Variants in NBEA observed in about 807,000 individuals in gnomAD.
The protein encoded by NBEA is neurobeachin.
NBEA carries 44 observed loss-of-function variants against 343.4 expected under a neutral mutation model. That is an observed-to-expected ratio of 0.13 (90% CI 0.10 to 0.16). The LOEUF (loss-of-function observed/expected upper bound fraction) is 0.16, where lower values mean the gene tolerates loss of function less well. NBEA is among the 10% of genes least tolerant of loss of function. The pLI, the probability that NBEA is intolerant of heterozygous loss-of-function variation, is 1.00. For synonymous variants in NBEA, 1,175 were observed against 1,238.7 expected (o/e 0.95, Z 1.08); for missense variants, 2,555 against 3,631.3 (o/e 0.70, Z 7.62).
At chr13:35,060,744 G>A (rs1189926746) in intron 8 of NBEA, among the ~76,000 whole-genome samples, 3 of 151,436 alleles carry the variant, frequency 2.0e-5, no homozygotes, top group African/African-American at 7.3e-5. Context: ...GAGAATATAG[G>A]GAAGGAGGAA....
At chr13:35,270,460 A>T (rs375673501) in intron 34 of NBEA, among the ~76,000 whole-genome samples, 1 of 152,202 alleles carries the variant, frequency 6.6e-6, no homozygotes, top group Non-Finnish European at 1.5e-5. Flanking sequence ...TACCTCGTTC[A>T]TCTCACTGGG....
At chr13:35,583,688 T>C (rs548587287) in intron 45 of NBEA, among the ~76,000 whole-genome samples, 52 of 152,346 alleles carry the variant, frequency 3.4e-4, no homozygotes, top group African/African-American at 1.1e-3. Flanking sequence ...TACTTTGTAC[T>C]ATGAATTATC....
chr13:35,130,053 G>A (rs1048276929), intron 17 of NBEA, among the ~76,000 whole-genome samples: 8 of 152,022 alleles, frequency 5.3e-5, no homozygotes, highest in South Asian at 2.1e-4. Flanking sequence ...TAAAGGAATG[G>A]AACAAATGAT....
intron 7 of NBEA, among the ~76,000 whole-genome samples, chr13:35,057,371 CCT>C (rs747237038): frequency 6.6e-6 from 1 of 152,070 alleles, no homozygotes; most frequent in Non-Finnish European, 1.5e-5. Context: ...TGACCCTCCC[CCT>C]GTTTCTGGTT....
chr13:35,593,118 T>C (rs2081611405), intron 46 of NBEA: 2 of 422,324 alleles, frequency 4.7e-6, no homozygotes, highest in Non-Finnish European at 8.4e-6. Context: ...AGAAGCAAAA[T>C]GACCTGCCAG....
At chr13:35,208,994 T>C (rs930194378) in intron 32 of NBEA, 140 bp downstream of exon 32, 15 of 755,702 alleles carry the variant, frequency 2.0e-5, no homozygotes, top group South Asian at 1.7e-4. Flanking sequence ...TTTTATGTTA[T>C]GACTTTTAGA....
intron 10 of NBEA, among the ~76,000 whole-genome samples, chr13:35,078,970 C>G (rs1005379079): frequency 6.6e-6 from 1 of 151,892 alleles, no homozygotes; most frequent in Non-Finnish European, 1.5e-5. Context: ...TGCAGAGGGC[C>G]GAGATCGCAC....
intron 38 of NBEA, among the ~76,000 whole-genome samples, chr13:35,358,858 G>T (rs928402906): frequency 2.5e-4 from 38 of 152,196 alleles, no homozygotes; most frequent in African/African-American, 9.2e-4. Context: ...GTTTGAAGAA[G>T]CTCTGTTTAA....
At chr13:35,352,383 T>C (rs1436483146) in intron 38 of NBEA, 60 bp downstream of exon 38, 2 of 909,198 alleles carry the variant, frequency 2.2e-6, no homozygotes, top group Non-Finnish European at 3.0e-6. Context: ...TAGTTGGTAA[T>C]AAAAATATGG....
intron 1 of NBEA, among the ~76,000 whole-genome samples, chr13:34,983,550 C>T (rs760556827): frequency 4.4e-4 from 67 of 152,132 alleles, no homozygotes; most frequent in Admixed American, 2.0e-4. Context: ...AGTGGGATCG[C>T]TGGGTCAAAT....
intron 18 of NBEA, among the ~76,000 whole-genome samples, chr13:35,146,602 T>A (rs1276730278): frequency 6.6e-6 from 1 of 152,072 alleles, no homozygotes; most frequent in East Asian, 1.9e-4. Flanking sequence ...TTGGGCTCCC[T>A]TGGCTGGGAC....
At chr13:35,476,756 A>ACTT in intron 41 of NBEA, 1 of 1,056,246 alleles carries the variant, frequency 9.5e-7, no homozygotes. Flanking sequence ...GCCAATCGCC[A>ACTT]CTGGGCTCGT....
At chr13:35,148,932 A>G (rs1566365087) in intron 18 of NBEA, among the ~76,000 whole-genome samples, 1 of 152,312 alleles carries the variant, frequency 6.6e-6, no homozygotes, top group East Asian at 1.9e-4. Context: ...CCCACAGGCC[A>G]TAGTTTTCTG....
At chr13:35,087,650 C>T (rs1375754292) in intron 10 of NBEA, among the ~76,000 whole-genome samples, 1 of 151,758 alleles carries the variant, frequency 6.6e-6, no homozygotes. Flanking sequence ...AGCTTCAGAA[C>T]TGTAAAAGAA....
chr13:35,183,323 C>G (rs1416429754), intron 29 of NBEA, among the ~76,000 whole-genome samples: 1 of 152,002 alleles, frequency 6.6e-6, no homozygotes, highest in Non-Finnish European at 1.5e-5. Context: ...TCATGTACCA[C>G]TGGATTAATT....
chr13:35,366,519 GT>G (rs768360574), intron 38 of NBEA, among the ~76,000 whole-genome samples: 9 of 149,764 alleles, frequency 6.0e-5, no homozygotes, highest in Non-Finnish European at 1.0e-4. Flanking sequence ...TGAAGTTAGG[GT>G]TTTTTTTGCA....
At chr13:35,108,430 G>A (rs984381387) in intron 11 of NBEA, among the ~76,000 whole-genome samples, 1 of 151,698 alleles carries the variant, frequency 6.6e-6, no homozygotes, top group African/African-American at 2.4e-5. Flanking sequence ...TCAAGCCTCA[G>A]GTGCAATTTA....
intron 38 of NBEA, among the ~76,000 whole-genome samples, chr13:35,380,803 T>C (rs1315587998): frequency 2.6e-5 from 4 of 152,160 alleles, no homozygotes; most frequent in Non-Finnish European, 4.4e-5. Flanking sequence ...CGGTCTCCAG[T>C]ACACTGCAGT....
At chr13:35,603,642 C>T (rs768636216) in intron 47 of NBEA, among the ~76,000 whole-genome samples, 18 of 152,146 alleles carry the variant, frequency 1.2e-4, no homozygotes, top group Middle Eastern at 3.2e-3. Context: ...TAGATATATA[C>T]GTTCCTCTCT....
Sources: allele counts gnomAD v4.1 joint callset (sites outside exome capture counted in the v4.1 genomes callset), GRCh38; gene constraint gnomAD v4.1.1; transcripts MANE v1.5; gene names NCBI Gene and HGNC (gene_info 2026-07-23, HGNC 2026-07-21).